Variants in GALNT17 observed in about 807,000 individuals in gnomAD.
GALNT17 encodes the protein polypeptide N-acetylgalactosaminyltransferase 17.
GALNT17 carries 29 observed loss-of-function variants against 63.7 expected under a neutral mutation model. That is an observed-to-expected ratio of 0.46 (90% CI 0.34 to 0.62). GALNT17 has a LOEUF of 0.62. Ranked by LOEUF, GALNT17 falls within the 20% of genes least tolerant of loss-of-function variation. GALNT17 has a pLI of 0.01. For synonymous variants in GALNT17, 305 were observed against 318.3 expected (o/e 0.96, Z 0.45); for missense variants, 603 against 799.6 (o/e 0.75, Z 2.97).
chr7:71,631,329 A>G (rs1790450295), intron 6 of GALNT17, among the ~76,000 whole-genome samples: 1 of 151,632 alleles, frequency 6.6e-6, no homozygotes, highest in Admixed American at 6.6e-5. Context: ...AGTAGCTGGT[A>G]CTGATGGACA....
intron 2 of GALNT17, among the ~76,000 whole-genome samples, chr7:71,350,300 C>T (rs1441074586): frequency 1.3e-5 from 2 of 152,234 alleles, no homozygotes; most frequent in African/African-American, 4.8e-5. Flanking sequence ...CGTCAATCAG[C>T]TCCCACACAC....
At chr7:71,289,722 A>G (rs959755993) in intron 1 of GALNT17, among the ~76,000 whole-genome samples, 1 of 152,140 alleles carries the variant, frequency 6.6e-6, no homozygotes, top group African/African-American at 2.4e-5. Flanking sequence ...TCTACTAAAA[A>G]AACAAAATTA....
At chr7:71,437,737 CAG>C (rs1278946184) in intron 5 of GALNT17, among the ~76,000 whole-genome samples, 1 of 152,150 alleles carries the variant, frequency 6.6e-6, no homozygotes, top group African/African-American at 2.4e-5. Context: ...TTTTTTGAGA[CAG>C]GGTCTCACTC....
chr7:71,550,442 G>A (rs957006406), intron 5 of GALNT17, among the ~76,000 whole-genome samples: 14 of 151,968 alleles, frequency 9.2e-5, no homozygotes, highest in African/African-American at 2.4e-4. Context: ...GTGCAGTGGC[G>A]TGATTTTGGA....
At chr7:71,488,049 A>T (rs1338705085) in intron 5 of GALNT17, among the ~76,000 whole-genome samples, 2 of 151,990 alleles carry the variant, frequency 1.3e-5, no homozygotes, top group Non-Finnish European at 2.9e-5. Flanking sequence ...GCATGATGGT[A>T]GTCCCAGCTA....
At chr7:71,690,145 C>G in intron 9 of GALNT17, among the ~76,000 whole-genome samples, 1 of 152,030 alleles carries the variant, frequency 6.6e-6, no homozygotes, top group African/African-American at 2.4e-5. Flanking sequence ...CCGCCTCAGC[C>G]TCCCGAGTAG....
At chr7:71,668,433 T>TGAAGCAGCC (rs1791017636) in intron 7 of GALNT17, among the ~76,000 whole-genome samples, 2 of 136,990 alleles carry the variant, frequency 1.5e-5, no homozygotes, top group East Asian at 4.3e-4. Flanking sequence ...GGAGAATCGC[T>TGAAGCAGCC]TGAACCTGGG....
chr7:71,378,672 G>A (rs1210573849), intron 2 of GALNT17, among the ~76,000 whole-genome samples: 1 of 152,064 alleles, frequency 6.6e-6, no homozygotes, highest in Non-Finnish European at 1.5e-5. Context: ...CAAGCATTCT[G>A]CCAGGCTCTA....
At chr7:71,241,763 C>T (rs181587046) in intron 1 of GALNT17, among the ~76,000 whole-genome samples, 1 of 152,210 alleles carries the variant, frequency 6.6e-6, no homozygotes, top group East Asian at 1.9e-4. Flanking sequence ...GTGATGTGAA[C>T]CTGTAGTCCC....
In GALNT17 at chr7:71,252,769, G is replaced by A. The variant is rs553775386; in HGVS notation, c.239-82781G>A. ...CAAGCTGGGAACAGTCATGCAAACCGGCTTCCCATTTTGTTCCTAAATTCA... is the reference window on the plus strand; with the variant it reads ...CAAGCTGGGAACAGTCATGCAAACCAGCTTCCCATTTTGTTCCTAAATTCA... On this transcript the variant is annotated intron_variant, in intron 1 of 10. Coordinates refer to ENST00000333538, the MANE Select transcript of GALNT17 (RefSeq NM_022479.3). Among the ~76,000 whole-genome samples, 12 of 152,202 alleles carry A rather than the reference G, an allele frequency of 7.9e-5. No individual in the cohort carries two copies. In the East Asian group the frequency reaches 2.1e-3, roughly 27 times the overall value.
At chr7:71,660,006 G>A (rs1207178449) in intron 6 of GALNT17, among the ~76,000 whole-genome samples, 2 of 152,128 alleles carry the variant, frequency 1.3e-5, no homozygotes, top group African/African-American at 4.8e-5. Flanking sequence ...CCTTTGTGAT[G>A]GTGCATTTCT....
chr7:71,142,012 C>CTGTGTGTGTGTGTGTGTGTGTGTG (rs201770661), intron 1 of GALNT17, among the ~76,000 whole-genome samples: 1 of 124,804 alleles, frequency 8.0e-6, no homozygotes, highest in East Asian at 2.4e-4. Context: ...CCACATTTGG[C>CTGTGTGTGTGTGTGTGTGTGTGTG]TGTGTGTGTG....
At chr7:71,451,687 T>C (rs924485392) in intron 5 of GALNT17, among the ~76,000 whole-genome samples, 1 of 152,288 alleles carries the variant, frequency 6.6e-6, no homozygotes, top group South Asian at 2.1e-4. Flanking sequence ...TTTAATATTA[T>C]GTATTTCCCT....
At chr7:71,312,973 G>T (rs1453625227) in intron 1 of GALNT17, among the ~76,000 whole-genome samples, 1 of 152,126 alleles carries the variant, frequency 6.6e-6, no homozygotes, top group Admixed American at 6.6e-5. Flanking sequence ...GCTGGGCATT[G>T]TGGTGTGTAC....
At chr7:71,317,751 A>G (rs934033240) in intron 1 of GALNT17, among the ~76,000 whole-genome samples, 3 of 152,164 alleles carry the variant, frequency 2.0e-5, no homozygotes, top group African/African-American at 4.8e-5. Context: ...GAATTTATCA[A>G]TTCTCCAAGA....
intron 8 of GALNT17, among the ~76,000 whole-genome samples, chr7:71,676,146 C>A (rs961646260): frequency 1.1e-4 from 17 of 151,996 alleles, no homozygotes; most frequent in Admixed American, 7.9e-4. Context: ...GGATGGATAC[C>A]CATATAGATC....
rs10695372 is a variant in GALNT17 at position 71,693,819 on chromosome 7, T to TAAA, written c.1500+16525_1500+16527dup. Among the ~76,000 whole-genome samples the TAAA allele has an allele frequency of 5.7e-4, 83 of 145,018 alleles. 1 individual carries two copies. Among genetic ancestry groups the TAAA allele is most frequent in the East Asian group, 3.1e-3 (15 of 4,808 alleles). ...TGTACCCCTGCACTTTAAAAAAAGT[T>TAAA]AAAAAAAAAAAAAAGAATCTATAGG... On this transcript the variant is annotated intron_variant, in intron 9 of 10. Coordinates refer to ENST00000333538, the MANE Select transcript of GALNT17 (RefSeq NM_022479.3).
chr7:71,711,925 CTCTCCTGTCTCTCTT>C, intron 10 of GALNT17, 78 bp from the exon 11 acceptor site: 1 of 1,363,632 alleles, frequency 7.3e-7, no homozygotes, highest in Non-Finnish European at 1.0e-6. Context: ...GTCATTTTCT[CTCTCCTGTCTCTCTT>C]TCTCCTCTCT....
intron 9 of GALNT17, among the ~76,000 whole-genome samples, chr7:71,701,173 C>G (rs191772900): frequency 6.6e-6 from 1 of 152,138 alleles, no homozygotes; most frequent in East Asian, 1.9e-4. Flanking sequence ...ATAAGATGAT[C>G]AAGGGAAAGT....
Sources: gnomAD v4.1 joint callset for allele counts (sites outside exome capture counted in the v4.1 genomes callset) on GRCh38, gnomAD v4.1.1 for gene constraint, MANE v1.5 for transcripts, NCBI Gene and HGNC (gene_info 2026-07-23, HGNC 2026-07-21) for gene names.